Variants in ALG5 observed in about 807,000 individuals in gnomAD.
ALG5 encodes the protein ALG5 dolichyl-phosphate beta-glucosyltransferase, also known as dolichyl-phosphate beta-glucosyltransferase.
In ALG5, 26 loss-of-function variants were observed where a neutral mutation model predicts 51.8. That is an observed-to-expected ratio of 0.50 (90% CI 0.37 to 0.70). ALG5 has a LOEUF of 0.70. Among genes scored for constraint, ALG5 ranks in the 30% least tolerant of loss-of-function variants. The pLI is 0.00. For synonymous variants in ALG5, 141 were observed against 136.1 expected (o/e 1.04, Z -0.25); for missense variants, 311 against 399.3 (o/e 0.78, Z 1.88).
intron 8 of ALG5, among the ~76,000 whole-genome samples, chr13:36,962,592 A>C (rs2058872679): frequency 6.6e-6 from 1 of 152,144 alleles, no homozygotes; most frequent in Admixed American, 6.6e-5. Flanking sequence ...CAGCCTCCCA[A>C]AGTGCTAGGA....
At chr13:36,950,177 T>C in intron 9 of ALG5, 120 bp from the exon 10 acceptor site, 1 of 549,264 alleles carries the variant, frequency 1.8e-6, no homozygotes, top group East Asian at 3.1e-5. Flanking sequence ...TTTTAAATCA[T>C]GGACCAAAAA....
At chr13:36,994,442 G>C (rs559173593) in intron 3 of ALG5, among the ~76,000 whole-genome samples, 8 of 152,078 alleles carry the variant, frequency 5.3e-5, no homozygotes, top group Admixed American at 1.3e-4. Flanking sequence ...GGGAAAACAG[G>C]AAGAAAATGT....
intron 7 of ALG5, among the ~76,000 whole-genome samples, chr13:36,968,861 G>A (rs561374626): frequency 2.0e-5 from 3 of 152,334 alleles, no homozygotes; most frequent in African/African-American, 7.2e-5. Flanking sequence ...ACAACCTTTT[G>A]TGAGACAGCT....
intron 6 of ALG5, among the ~76,000 whole-genome samples, chr13:36,972,931 G>A (rs1416394643): frequency 6.8e-6 from 1 of 146,870 alleles, no homozygotes; most frequent in Non-Finnish European, 1.5e-5. Flanking sequence ...GGCAGAGCTT[G>A]CAGTGAGCCG....
chr13:36,950,137 T>C, intron 9 of ALG5, 80 bp from the exon 10 acceptor site: 2 of 823,568 alleles, frequency 2.4e-6, no homozygotes. Context: ...TCAGTCTACA[T>C]GATCGTTGTG....
At chr13:36,984,573 G>A (rs544943833) in intron 6 of ALG5, among the ~76,000 whole-genome samples, 2 of 152,032 alleles carry the variant, frequency 1.3e-5, no homozygotes, top group East Asian at 1.9e-4. Flanking sequence ...ATTCTTTTTT[G>A]TGTAATTATA....
At chr13:36,983,462 C>T (rs140666814) in intron 6 of ALG5, among the ~76,000 whole-genome samples, 25 of 151,886 alleles carry the variant, frequency 1.6e-4, no homozygotes, top group South Asian at 4.2e-4. Flanking sequence ...TGCTATACAA[C>T]AAGCGGGGCA....
intron 8 of ALG5, among the ~76,000 whole-genome samples, chr13:36,957,322 T>C (rs2058844472): frequency 6.6e-6 from 1 of 151,206 alleles, no homozygotes; most frequent in Admixed American, 6.6e-5. Context: ...TCTACTAGTC[T>C]GGGTAGATAC....
chr13:36,999,270 G>C lies in ALG5; in HGVS notation c.31C>G (p.Leu11Val), dbSNP rs147574138. 1,699 of 1,580,554 alleles carry C rather than the reference G, an allele frequency of 1.1e-3. 1 individual carries two copies. The highest frequency in any genetic ancestry group is 1.2e-3 in the Non-Finnish European group (1,444 of 1,166,328). ...GCTGCGGCCGCCAGCGCCGCGCCGA[G>C]CACCGCCAGCTGCAACAGAAGCGGA... MAPLLLQLAV[L>V]GAALAAAALV... Residue 11 changes from leucine (L) to valine (V), a missense_variant, in exon 1 of 10, where the codon CTC becomes GTC. Leu to Val is a conservative substitution (Grantham distance 32). Transcript: ENST00000239891.
chr13:36,996,056 C>T (rs2059048697), intron 1 of ALG5, among the ~76,000 whole-genome samples: 1 of 151,912 alleles, frequency 6.6e-6, no homozygotes, highest in African/African-American at 2.4e-5. Context: ...GGGGTGAGGG[C>T]ACACTTTCCA....
intron 7 of ALG5, among the ~76,000 whole-genome samples, chr13:36,969,657 C>T (rs1013991389): frequency 1.3e-5 from 2 of 152,028 alleles, no homozygotes; most frequent in African/African-American, 2.4e-5. Context: ...GCCTCAGTCT[C>T]CCAAGTAGCT....
intron 8 of ALG5, among the ~76,000 whole-genome samples, chr13:36,953,726 A>T (rs2058827870): frequency 6.6e-6 from 1 of 152,206 alleles, no homozygotes; most frequent in Non-Finnish European, 1.5e-5. Flanking sequence ...CAATACCATA[A>T]TCATCCATTA....
chr13:36,985,518 T>C (rs1290495974), intron 6 of ALG5, 109 bp downstream of exon 6: 5 of 762,012 alleles, frequency 6.6e-6, no homozygotes, highest in African/African-American at 1.7e-5. Flanking sequence ...AAGGATTTCA[T>C]ACCAAAAACA....
At chr13:36,955,591 A>G (rs549571449) in intron 8 of ALG5, among the ~76,000 whole-genome samples, 1 of 151,810 alleles carries the variant, frequency 6.6e-6, no homozygotes, top group African/African-American at 2.4e-5. Context: ...TCAAAAGATC[A>G]AAACTAGAAA....
chr13:36,994,778 G>A (rs116342361), intron 3 of ALG5, among the ~76,000 whole-genome samples: 200 of 151,896 alleles, frequency 1.3e-3, no homozygotes, highest in African/African-American at 4.6e-3. Context: ...AGAAATTTTC[G>A]CTTCCTGGTT....
intron 6 of ALG5, among the ~76,000 whole-genome samples, chr13:36,976,578 T>C (rs1311657020): frequency 6.6e-6 from 1 of 152,020 alleles, no homozygotes; most frequent in African/African-American, 2.4e-5. Flanking sequence ...CAAAACCTCA[T>C]TTCTACTAAA....
At chr13:36,965,001 C>T (rs1480755193) in intron 8 of ALG5, among the ~76,000 whole-genome samples, 1 of 150,466 alleles carries the variant, frequency 6.6e-6, no homozygotes, top group Admixed American at 6.6e-5. Flanking sequence ...AGCAAGAAAA[C>T]AAAGCCAGTG....
At chr13:36,966,823 T>C (rs886952715) in intron 7 of ALG5, among the ~76,000 whole-genome samples, 2 of 152,222 alleles carry the variant, frequency 1.3e-5, no homozygotes, top group African/African-American at 4.8e-5. Context: ...TTCCTCCTTT[T>C]GGCTTTTGCT....
At chr13:36,988,248 T>C (rs1391702437) in intron 5 of ALG5, among the ~76,000 whole-genome samples, 1 of 152,230 alleles carries the variant, frequency 6.6e-6, no homozygotes, top group Non-Finnish European at 1.5e-5. Context: ...AACTGTGATG[T>C]CCTTAAGGAC....
Sources: allele counts gnomAD v4.1 joint callset (sites outside exome capture counted in the v4.1 genomes callset), GRCh38; gene constraint gnomAD v4.1.1; transcripts MANE v1.5; gene names NCBI Gene and HGNC (gene_info 2026-07-23, HGNC 2026-07-21).